The following INSC variants were observed in gnomAD, a reference collection of about 807,000 sequenced individuals.
INSC encodes INSC spindle orientation adaptor protein, also known as protein inscuteable homolog.
Under a neutral mutation model 58.6 loss-of-function variants are expected in INSC, and 67 were observed. That is an observed-to-expected ratio of 1.14 (90% CI 0.94 to 1.40). The LOEUF (loss-of-function observed/expected upper bound fraction) is 1.40. INSC is among the 40% of genes most tolerant of loss of function. The pLI, the probability that INSC is intolerant of heterozygous loss-of-function variation, is 0.00. For synonymous variants in INSC, 262 were observed against 276.1 expected, an observed-to-expected ratio of 0.95 and a Z score of 0.51; for missense variants, 714 against 692.0, an observed-to-expected ratio of 1.03 and a Z score of -0.36.
At chr11:15,168,941 A>T (rs1849296662) in intron 2 of INSC, among the ~76,000 whole-genome samples, 1 of 152,188 alleles carries the variant, frequency 6.6e-6, no homozygotes, top group Non-Finnish European at 1.5e-5. Flanking sequence ...TTCGATAAAA[A>T]TTTCAGAAAA....
chr11:15,269,176 G>C, the INSC span, among the ~76,000 whole-genome samples: 1 of 151,790 alleles, frequency 6.6e-6, no homozygotes, highest in African/African-American at 2.4e-5. Flanking sequence ...TATTAATATA[G>C]TAATACTTTT....
intron 8 of INSC, 78 bp from the exon 9 acceptor site, chr11:15,225,572 G>A (rs1201761840): frequency 7.1e-7 from 1 of 1,401,772 alleles, no homozygotes; most frequent in African/African-American, 1.4e-5. Context: ...TCTCCCAGAG[G>A]TATTGTGTGA....
chr11:15,160,883 GA>G (rs935284825), intron 2 of INSC, among the ~76,000 whole-genome samples: 8 of 152,186 alleles, frequency 5.3e-5, no homozygotes, highest in African/African-American at 9.7e-5. Context: ...GCACTGGACT[GA>G]AATCTGGCAC....
downstream of INSC, among the ~76,000 whole-genome samples, chr11:15,247,936 A>C (rs1432343882): frequency 1.3e-5 from 2 of 152,252 alleles, no homozygotes; most frequent in East Asian, 3.9e-4. Context: ...TTTCCCTTGA[A>C]GAGACGGACT....
intron 5 of INSC, among the ~76,000 whole-genome samples, chr11:15,182,409 C>G (rs1849812576): frequency 6.6e-6 from 1 of 152,126 alleles, no homozygotes; most frequent in South Asian, 2.1e-4. Flanking sequence ...TGTGAACATA[C>G]ACTCACTGGG....
intron 1 of INSC, among the ~76,000 whole-genome samples, chr11:15,134,474 A>G (rs774688607): frequency 4.1e-4 from 62 of 152,194 alleles, no homozygotes; most frequent in Non-Finnish European, 1.5e-4. Context: ...ATAGGACTTA[A>G]ATGTTTGTAG....
intron 7 of INSC, among the ~76,000 whole-genome samples, chr11:15,213,210 C>T (rs947902904): frequency 6.6e-6 from 1 of 151,846 alleles, no homozygotes; most frequent in Non-Finnish European, 1.5e-5. Context: ...GAGGCCGAGG[C>T]GGGCAGATCA....
At chr11:15,208,841 C>T (rs764029996) in intron 7 of INSC, among the ~76,000 whole-genome samples, 1 of 152,192 alleles carries the variant, frequency 6.6e-6, no homozygotes, top group Non-Finnish European at 1.5e-5. Context: ...GTGGCCGCTC[C>T]ATCAGGCTGC....
intron 5 of INSC, among the ~76,000 whole-genome samples, chr11:15,189,136 A>G (rs1850074323): frequency 3.3e-5 from 5 of 152,216 alleles, no homozygotes; most frequent in Admixed American, 3.3e-4. Flanking sequence ...AGAAGACAAA[A>G]GGGAGAGCCA....
At chr11:15,202,740 G>T (rs530279355) in intron 7 of INSC, among the ~76,000 whole-genome samples, 2 of 152,334 alleles carry the variant, frequency 1.3e-5, no homozygotes, top group South Asian at 4.1e-4. Context: ...TAGTGAGCTT[G>T]CAGTGCAGAA....
At chr11:15,210,502 AGTTTGTGTGT>A (rs1850978767) in intron 7 of INSC, among the ~76,000 whole-genome samples, 1 of 68,820 alleles carries the variant, frequency 1.5e-5, no homozygotes, top group Non-Finnish European at 3.1e-5. Context: ...TGCATTTGAG[AGTTTGTGTGT>A]GTGTGTGTGT....
At chr11:15,118,503 A>T (rs61877966) in intron 1 of INSC, among the ~76,000 whole-genome samples, 2,271 of 152,260 alleles carry the variant, frequency 0.015, 31 homozygotes, top group Non-Finnish European at 0.016. Flanking sequence ...TGTCAACCCA[A>T]GCTGGTGGCC....
intron 12 of INSC, among the ~76,000 whole-genome samples, chr11:15,240,977 C>G (rs991449807): frequency 6.6e-6 from 1 of 152,164 alleles, no homozygotes; most frequent in Non-Finnish European, 1.5e-5. Context: ...GCTCTCTCCT[C>G]CTTTGTGGAA....
intron 5 of INSC, chr11:15,188,267 T>C (rs1484453304): frequency 7.1e-6 from 7 of 985,364 alleles, no homozygotes; most frequent in Non-Finnish European, 7.2e-6. Flanking sequence ...CACTCTCCTA[T>C]TTGGCAAAAC....
intron 12 of INSC, among the ~76,000 whole-genome samples, chr11:15,244,035 T>G (rs1384977398): frequency 6.6e-6 from 1 of 152,178 alleles, no homozygotes; most frequent in Non-Finnish European, 1.5e-5. Context: ...CTTTTCTGTC[T>G]TATTTGCTCT....
At chr11:15,198,910 C>T (rs1850472806) in intron 6 of INSC, among the ~76,000 whole-genome samples, 1 of 152,136 alleles carries the variant, frequency 6.6e-6, no homozygotes, top group Non-Finnish European at 1.5e-5. Context: ...GTGTAAGTGT[C>T]TGTCTCATGC....
rs770019453 is a variant in INSC at position 15,175,838 on chromosome 11, A to G, written c.154A>G (p.Ile52Val). 11 of 1,612,522 alleles carry G rather than the reference A, an allele frequency of 6.8e-6. No individual in the cohort carries two copies. The highest frequency in any genetic ancestry group is 1.7e-5 in the Admixed American group (1 of 60,000). The change falls in exon 3 of 13, where the codon ATC (isoleucine) becomes GTC (valine). Residue 52 changes from isoleucine (I) to valine (V), a missense_variant. By Grantham distance (29) the Ile-to-Val change is conservative (BLOSUM62 3). Transcript: ENST00000379556. ...ECMCVLQAKPISLEEDAQGDL... is the reference protein window; with the variant it reads ...ECMCVLQAKPVSLEEDAQGDL... ...CATGTGTGTCCTGCAGGCCAAGCCC[A>G]TCAGCCTGGAAGAGGATGCACAGGG...
intron 6 of INSC, among the ~76,000 whole-genome samples, chr11:15,191,520 G>T (rs578254438): frequency 6.6e-6 from 1 of 152,160 alleles, no homozygotes; most frequent in African/African-American, 2.4e-5. Context: ...TTGGGTGATC[G>T]ATTGACCTTA....
intron 1 of INSC, among the ~76,000 whole-genome samples, chr11:15,142,997 A>G (rs1324934180): frequency 6.6e-6 from 1 of 152,014 alleles, no homozygotes; most frequent in East Asian, 1.9e-4. Context: ...GCATGCTGAA[A>G]TAGTTACCAT....
Sources: allele counts gnomAD v4.1 joint callset (sites outside exome capture counted in the v4.1 genomes callset), GRCh38; gene constraint gnomAD v4.1.1; transcripts MANE v1.5; gene names NCBI Gene and HGNC (gene_info 2026-07-23, HGNC 2026-07-21).